Variants in AK5 observed in about 807,000 individuals in gnomAD.
AK5 encodes adenylate kinase isoenzyme 5.
A neutral mutation model predicts 69.5 loss-of-function variants in AK5; 27 were observed. That is an observed-to-expected ratio of 0.39 (90% confidence interval 0.29 to 0.54). AK5 has a LOEUF of 0.54. AK5 is among the 20% of genes least tolerant of loss of function. The probability of loss-of-function intolerance (pLI) is 0.71; values close to 1 mark genes in which losing one functional copy is unlikely to be tolerated. For missense variants in AK5, 531 were observed against 700.4 expected, an observed-to-expected ratio of 0.76 and a Z score of 2.73; for synonymous variants, 260 against 244.4, an observed-to-expected ratio of 1.06 and a Z score of -0.60.
At chr1:77,349,652 G>T (rs1043017017) in intron 6 of AK5, 14 of 152,280 alleles carry the variant, frequency 9.2e-5, no homozygotes, top group Admixed American at 8.5e-4. Flanking sequence ...AGTTTTAAAA[G>T]TAATTTTTGC....
chr1:77,297,419 A>T lies in AK5; in HGVS notation c.416-140A>T, dbSNP rs1659074359. The T allele has an allele frequency of 2.5e-5, 17 of 668,022 alleles. No homozygotes were observed. The South Asian group carries it at 4.5e-4, about 18-fold the overall frequency. 41.4% of individuals were successfully genotyped at this position (668,022 alleles called of 1,614,324 possible). A position where few individuals can be genotyped will look rare whatever the true frequency, so the allele number is the denominator to read the frequency against. ...TACTTGCTTTACATTCAAAGGCAGC[A>T]CTGAGAATGCCACAAATGGAACTGT... On this transcript the variant is annotated intron_variant, in intron 3 of 13. Coordinates refer to ENST00000354567, the MANE Select transcript of AK5 (RefSeq NM_174858.3).
chr1:77,513,598 G>T (rs927172722), intron 10 of AK5, among the ~76,000 whole-genome samples: 1 of 152,194 alleles, frequency 6.6e-6, no homozygotes, highest in African/African-American at 2.4e-5. Context: ...CCAGCACTTC[G>T]GGAGGCCGAG....
At chr1:77,545,470 T>C (rs766262508) in intron 13 of AK5, among the ~76,000 whole-genome samples, 91 of 152,364 alleles carry the variant, frequency 6.0e-4, no homozygotes, top group Non-Finnish European at 8.7e-4. Flanking sequence ...CTACAGTTTA[T>C]TCAACTAGGT....
intron 13 of AK5, among the ~76,000 whole-genome samples, chr1:77,538,041 G>A (rs138928319): frequency 1.3e-5 from 2 of 152,050 alleles, no homozygotes; most frequent in East Asian, 1.9e-4. Context: ...TAAAGACTTC[G>A]ATCTTTAATA....
At chr1:77,534,578 A>G (rs1291071315) in intron 12 of AK5, among the ~76,000 whole-genome samples, 2 of 152,228 alleles carry the variant, frequency 1.3e-5, no homozygotes, top group Non-Finnish European at 1.5e-5. Context: ...CAGCAATCCT[A>G]TGATCATCCT....
intron 8 of AK5, among the ~76,000 whole-genome samples, chr1:77,419,939 C>A (rs193195455): frequency 4.6e-4 from 70 of 152,036 alleles, no homozygotes; most frequent in Middle Eastern, 3.4e-3. Flanking sequence ...ACTCTTTTTT[C>A]ATTTAATCAT....
intron 8 of AK5, among the ~76,000 whole-genome samples, chr1:77,446,079 T>G (rs1437362143): frequency 6.6e-6 from 1 of 152,256 alleles, no homozygotes; most frequent in East Asian, 1.9e-4. Flanking sequence ...CTTTTGGGTC[T>G]CTTATCCATT....
intron 6 of AK5, among the ~76,000 whole-genome samples, chr1:77,398,203 A>G (rs1321680681): frequency 1.3e-5 from 2 of 152,224 alleles, no homozygotes; most frequent in Non-Finnish European, 2.9e-5. Context: ...AAATAATAAA[A>G]GAAAATAGAA....
chr1:77,469,075 A>G (rs1171287076), intron 8 of AK5, among the ~76,000 whole-genome samples: 1 of 152,252 alleles, frequency 6.6e-6, no homozygotes, highest in Non-Finnish European at 1.5e-5. Flanking sequence ...TTGCTGTGTC[A>G]CTGCCTAGAT....
chr1:77,331,964 G>A (rs1205719245), intron 5 of AK5, among the ~76,000 whole-genome samples: 2 of 152,030 alleles, frequency 1.3e-5, no homozygotes, highest in Non-Finnish European at 2.9e-5. Flanking sequence ...TTGAGACAGG[G>A]TCTCATTCTG....
chr1:77,331,936 G>A (rs1661106338), intron 5 of AK5, among the ~76,000 whole-genome samples: 1 of 151,966 alleles, frequency 6.6e-6, no homozygotes, highest in Admixed American at 6.6e-5. Context: ...AGTTTTTCTA[G>A]AAATCTGTTC....
chr1:77,437,941 T>G (rs1461005369), intron 8 of AK5, among the ~76,000 whole-genome samples: 1 of 152,124 alleles, frequency 6.6e-6, no homozygotes, highest in African/African-American at 2.4e-5. Context: ...AGTTCTTTCC[T>G]TCTTAGACTA....
intron 6 of AK5, among the ~76,000 whole-genome samples, chr1:77,367,674 A>C (rs1028267603): frequency 0.012 from 312 of 26,232 alleles, 4 homozygotes; most frequent in South Asian, 0.017. Flanking sequence ...GTTATATATA[A>C]TATATATGTT....
chr1:77,309,770 G>A (rs1301533975), intron 5 of AK5, among the ~76,000 whole-genome samples: 2 of 151,994 alleles, frequency 1.3e-5, no homozygotes, highest in Non-Finnish European at 2.9e-5. Flanking sequence ...CATTTTTTGA[G>A]AATTTCTAAA....
At chr1:77,513,046 C>T (rs1159359153) in intron 10 of AK5, among the ~76,000 whole-genome samples, 9 of 152,158 alleles carry the variant, frequency 5.9e-5, no homozygotes, top group Non-Finnish European at 4.4e-5. Context: ...GCTCTATAAC[C>T]ACGTGACTAG....
chr1:77,297,545 GT>G lies in AK5; in HGVS notation c.416-10del, dbSNP rs1659082993. 6.3e-7 allele frequency: 1 copy of G among 1,584,848 alleles called. No homozygotes were observed. Among genetic ancestry groups the G allele is most frequent in the African/African-American group, 1.4e-5 (1 of 73,682 alleles). On this transcript the variant is annotated splice_polypyrimidine_tract_variant and intron_variant, in intron 3 of 13. Coordinates refer to ENST00000354567, the MANE Select transcript of AK5 (RefSeq NM_174858.3). ...GTATCAGAAGATCACAGTTTTGCCT[GT>G]TTTAAATACTAGGTGGTCCAGGAAG...
At chr1:77,474,189 A>G (rs1654690020) in intron 8 of AK5, among the ~76,000 whole-genome samples, 1 of 152,214 alleles carries the variant, frequency 6.6e-6, no homozygotes, top group Non-Finnish European at 1.5e-5. Context: ...TATAGATAGC[A>G]ACTGCTCAGC....
chr1:77,286,228 C>T (rs1409033153), intron 1 of AK5, among the ~76,000 whole-genome samples: 1 of 151,658 alleles, frequency 6.6e-6, no homozygotes, highest in Non-Finnish European at 1.5e-5. Context: ...TTTATTATTA[C>T]CCCCATTTTC....
At chr1:77,288,058 T>G (rs1017021504) in intron 2 of AK5, among the ~76,000 whole-genome samples, 2 of 152,244 alleles carry the variant, frequency 1.3e-5, no homozygotes, top group African/African-American at 4.8e-5. Flanking sequence ...AAGCATCTAC[T>G]GAATGCAATG....
Sources: gnomAD v4.1 joint callset for allele counts (sites outside exome capture counted in the v4.1 genomes callset) on GRCh38, gnomAD v4.1.1 for gene constraint, MANE v1.5 for transcripts, NCBI Gene and HGNC (gene_info 2026-07-23, HGNC 2026-07-21) for gene names.